Variants in KCNT2 observed in about 807,000 individuals in gnomAD.
KCNT2 encodes the protein potassium channel subfamily T member 2.
Under a neutral mutation model 153.8 loss-of-function variants are expected in KCNT2, and 67 were observed. The observed-to-expected ratio is 0.44, with a 90% CI of 0.36 to 0.53. The LOEUF (loss-of-function observed/expected upper bound fraction) is 0.53, where lower values mean the gene tolerates loss of function less well. Ranked by LOEUF, KCNT2 falls within the 20% of genes least tolerant of loss-of-function variation. The pLI is 0.00. For synonymous variants in KCNT2, 500 were observed against 458.8 expected (o/e 1.09, Z -1.15); for missense variants, 975 against 1,354.8 (o/e 0.72, Z 4.40).
At chr1:196,406,608 AT>A (rs1455311420) in intron 12 of KCNT2, among the ~76,000 whole-genome samples, 6 of 146,382 alleles carry the variant, frequency 4.1e-5, no homozygotes, top group African/African-American at 9.8e-5. Context: ...AAAAAAAAAA[AT>A]TAAAAGAAGA....
At chr1:196,592,821 A>G (rs1663545050) in intron 1 of KCNT2, among the ~76,000 whole-genome samples, 1 of 148,800 alleles carries the variant, frequency 6.7e-6, no homozygotes, top group South Asian at 2.1e-4. Context: ...ATGTACTTTT[A>G]CTTTTATGTA....
chr1:196,359,704 C>T (rs935461465), intron 14 of KCNT2, among the ~76,000 whole-genome samples: 5 of 151,648 alleles, frequency 3.3e-5, no homozygotes, highest in African/African-American at 1.2e-4. Flanking sequence ...AGGAAGAAAT[C>T]ACACTGAATT....
chr1:196,368,369 G>A (rs1338329765), intron 14 of KCNT2, among the ~76,000 whole-genome samples: 1 of 152,072 alleles, frequency 6.6e-6, no homozygotes, highest in Non-Finnish European at 1.5e-5. Flanking sequence ...AACAAAAATA[G>A]ATAAATACTT....
chr1:196,441,490 A>G (rs1429322397), intron 8 of KCNT2, among the ~76,000 whole-genome samples: 2 of 151,320 alleles, frequency 1.3e-5, no homozygotes, highest in African/African-American at 4.8e-5. Flanking sequence ...TGAGACAGAA[A>G]TTATCTAAGG....
intron 14 of KCNT2, among the ~76,000 whole-genome samples, chr1:196,361,643 T>C (rs1325601000): frequency 6.6e-6 from 1 of 152,064 alleles, no homozygotes; most frequent in Admixed American, 6.6e-5. Context: ...TTCCCCACTT[T>C]GCTGCAGTCA....
At chr1:196,531,964 T>C (rs1572741849) in intron 1 of KCNT2, among the ~76,000 whole-genome samples, 1 of 152,102 alleles carries the variant, frequency 6.6e-6, no homozygotes, top group East Asian at 1.9e-4. Context: ...ACTCCCATTA[T>C]CTATAGCTAC....
chr1:196,586,812 CT>C (rs1662746207), intron 1 of KCNT2, among the ~76,000 whole-genome samples: 1 of 152,020 alleles, frequency 6.6e-6, no homozygotes, highest in African/African-American at 2.4e-5. Context: ...TGTTCCTCCC[CT>C]GAGCTCTTAT....
intron 3 of KCNT2, among the ~76,000 whole-genome samples, chr1:196,485,301 T>TG (rs1396233241): frequency 2.0e-5 from 3 of 151,846 alleles, no homozygotes; most frequent in Admixed American, 6.6e-5. Context: ...TGTTGGGGAT[T>TG]GGGGGGCGAG....
chr1:196,514,308 C>CAATTATAAAT (rs1681877025), intron 1 of KCNT2, among the ~76,000 whole-genome samples: 1 of 152,118 alleles, frequency 6.6e-6, no homozygotes, highest in South Asian at 2.1e-4. Flanking sequence ...ATCATGTTGA[C>CAATTATAAAT]AATTATAAAT....
At chr1:196,300,643 A>G (rs935495905) in intron 22 of KCNT2, among the ~76,000 whole-genome samples, 2 of 152,168 alleles carry the variant, frequency 1.3e-5, no homozygotes, top group African/African-American at 4.8e-5. Flanking sequence ...CCTTTGTCCA[A>G]TAATAATTCT....
chr1:196,293,135 T>A (rs1660354127), intron 22 of KCNT2, among the ~76,000 whole-genome samples: 1 of 152,022 alleles, frequency 6.6e-6, no homozygotes, highest in Non-Finnish European at 1.5e-5. Flanking sequence ...CACAAATAAA[T>A]CTAAAGCGTT....
intron 8 of KCNT2, among the ~76,000 whole-genome samples, chr1:196,434,093 G>A (rs538494879): frequency 6.6e-6 from 1 of 152,166 alleles, no homozygotes; most frequent in South Asian, 2.1e-4. Context: ...ATTCATAACA[G>A]TTTATTGGCT....
intron 22 of KCNT2, among the ~76,000 whole-genome samples, chr1:196,294,307 C>T (rs749761331): frequency 5.3e-5 from 8 of 152,106 alleles, no homozygotes; most frequent in Admixed American, 2.0e-4. Context: ...GACTGAATCT[C>T]GCTCTGTCGC....
intron 22 of KCNT2, among the ~76,000 whole-genome samples, chr1:196,294,037 C>T (rs1235316048): frequency 6.6e-6 from 1 of 152,020 alleles, no homozygotes; most frequent in Non-Finnish European, 1.5e-5. Flanking sequence ...ACAAAAAAGA[C>T]AATGGACCTA....
At chr1:196,327,668 C>CTTTTTTTTT (rs773639795) in intron 18 of KCNT2, among the ~76,000 whole-genome samples, 4,916 of 127,296 alleles carry the variant, frequency 0.039, 207 homozygotes, top group Non-Finnish European at 0.061. Flanking sequence ...ATATTCTGAT[C>CTTTTTTTTT]TTTTTTTTTT....
intron 16 of KCNT2, among the ~76,000 whole-genome samples, chr1:196,339,510 C>T (rs1445880883): frequency 1.0e-5 from 1 of 99,342 alleles, no homozygotes; most frequent in African/African-American, 3.2e-5. Flanking sequence ...TGAAGAGACA[C>T]ACACACACAC....
intron 14 of KCNT2, among the ~76,000 whole-genome samples, chr1:196,348,998 A>G (rs1666384164): frequency 6.6e-6 from 1 of 152,156 alleles, no homozygotes; most frequent in Non-Finnish European, 1.5e-5. Context: ...GTCTCTCTGA[A>G]TAAAGGGGCA....
chr1:196,407,625 T>A (rs1306242711), intron 12 of KCNT2, among the ~76,000 whole-genome samples: 1 of 151,436 alleles, frequency 6.6e-6, no homozygotes, highest in African/African-American at 2.4e-5. Flanking sequence ...AAACAAAACA[T>A]ACTTGAAAAA....
chr1:196,317,687 T>C (rs1001086654), intron 20 of KCNT2, among the ~76,000 whole-genome samples: 5 of 151,660 alleles, frequency 3.3e-5, no homozygotes, highest in Non-Finnish European at 7.4e-5. Flanking sequence ...GAAGTGAAGA[T>C]AGGAAAGATG....
Sources: gnomAD v4.1 joint callset for allele counts (sites outside exome capture counted in the v4.1 genomes callset) on GRCh38, gnomAD v4.1.1 for gene constraint, MANE v1.5 for transcripts, NCBI Gene and HGNC (gene_info 2026-07-23, HGNC 2026-07-21) for gene names.